TNKS: variants seen among roughly 807,000 people sequenced by gnomAD.
TNKS encodes poly [ADP-ribose] polymerase tankyrase-1.
TNKS carries 72 observed loss-of-function variants against 135.8 expected under a neutral mutation model. The observed-to-expected ratio is 0.53, with a 90% confidence interval of 0.44 to 0.64. TNKS has a LOEUF of 0.64. TNKS is among the 30% of genes least tolerant of loss of function. TNKS has a pLI of 0.00. For missense variants in TNKS, 1,769 were observed against 1,674.0 expected (o/e 1.06, Z -0.99); for synonymous variants, 849 against 649.3 (o/e 1.31, Z -4.68).
intron 3 of TNKS, among the ~76,000 whole-genome samples, chr8:9,660,285 A>C (rs1204467662): frequency 2.6e-5 from 4 of 152,230 alleles, no homozygotes; most frequent in African/African-American, 9.6e-5. Context: ...ACACAGCAGA[A>C]AAAGAGAATT....
chr8:9,622,728 C>G (rs1799911243), intron 3 of TNKS, among the ~76,000 whole-genome samples: 1 of 152,060 alleles, frequency 6.6e-6, no homozygotes, highest in Admixed American at 6.5e-5. Flanking sequence ...AAGATTATTC[C>G]TTTTGAAAGA....
intron 3 of TNKS, among the ~76,000 whole-genome samples, chr8:9,643,431 G>A (rs1466937690): frequency 6.7e-6 from 1 of 148,662 alleles, no homozygotes; most frequent in Non-Finnish European, 1.5e-5. Flanking sequence ...ATAACTAAAT[G>A]GCTTCTGCGA....
intron 1 of TNKS, among the ~76,000 whole-genome samples, chr8:9,563,592 C>G (rs1797417981): frequency 6.6e-6 from 1 of 151,986 alleles, no homozygotes; most frequent in Non-Finnish European, 1.5e-5. Flanking sequence ...GGCATTTTTT[C>G]CATTTTGTGT....
At chr8:9,655,890 G>A (rs958120399) in intron 3 of TNKS, among the ~76,000 whole-genome samples, 17 of 152,196 alleles carry the variant, frequency 1.1e-4, no homozygotes, top group African/African-American at 2.7e-4. Flanking sequence ...AAAGCTGGAC[G>A]GAGAATGGCC....
chr8:9,776,504 C>A (rs1808232780), intron 26 of TNKS, 146 bp from the exon 27 acceptor site: 4 of 643,810 alleles, frequency 6.2e-6, no homozygotes, highest in Non-Finnish European at 1.1e-5. Flanking sequence ...GTAGGTGAAC[C>A]TCAAATTGTT....
At chr8:9,709,836 A>G (rs1256560629) in intron 9 of TNKS, 119 bp from the exon 10 acceptor site, 3 of 723,094 alleles carry the variant, frequency 4.1e-6, no homozygotes, top group African/African-American at 3.6e-5. Flanking sequence ...AAACATATAC[A>G]TATGTTCTGA....
At chr8:9,612,803 G>A (rs758758809) in intron 2 of TNKS, among the ~76,000 whole-genome samples, 2 of 151,994 alleles carry the variant, frequency 1.3e-5, no homozygotes, top group East Asian at 3.9e-4. Context: ...AAAATTAATA[G>A]CCTACTATTG....
chr8:9,636,547 C>T (rs1483985330), intron 3 of TNKS, among the ~76,000 whole-genome samples: 2 of 151,854 alleles, frequency 1.3e-5, no homozygotes, highest in East Asian at 3.9e-4. Flanking sequence ...TTAAAAGTTC[C>T]CAGGCCTCAT....
Position 9,626,781 on chromosome 8 carries a change from C to T in TNKS, c.994+11104C>T, listed in dbSNP as rs553006502. On this transcript the variant is annotated intron_variant, in intron 3 of 26. Transcript: ENST00000310430. ...GAGTTTTTAATTATTGCTGCCTCTC[C>T]TGTCAGTGTACTTGCTTGGGAATGC... 9.8e-5 allele frequency among the ~76,000 whole-genome samples: 15 copies of T among 152,306 alleles called. No homozygotes were observed. In the East Asian group the frequency reaches 2.1e-3, roughly 22 times the overall value.
At chr8:9,607,547 C>A (rs1306366880) in intron 2 of TNKS, among the ~76,000 whole-genome samples, 1 of 152,184 alleles carries the variant, frequency 6.6e-6, no homozygotes, top group African/African-American at 2.4e-5. Flanking sequence ...TCACAATCCA[C>A]TGGTCGTCTT....
At chr8:9,608,790 T>C (rs969472046) in intron 2 of TNKS, among the ~76,000 whole-genome samples, 3 of 152,220 alleles carry the variant, frequency 2.0e-5, no homozygotes, top group African/African-American at 4.8e-5. Context: ...GTTTATGTGG[T>C]TGGCAAATTG....
intron 1 of TNKS, among the ~76,000 whole-genome samples, chr8:9,565,665 C>G (rs1305246189): frequency 6.6e-6 from 1 of 151,972 alleles, no homozygotes; most frequent in Admixed American, 6.6e-5. Context: ...TCCTGGCTAG[C>G]ACAGTGAAAC....
intron 5 of TNKS, among the ~76,000 whole-genome samples, chr8:9,682,170 TG>T: frequency 6.6e-6 from 1 of 152,276 alleles, no homozygotes; most frequent in South Asian, 2.1e-4. Context: ...TCTATCACTG[TG>T]TAGAAAAGGG....
At chr8:9,657,657 C>T (rs1441254680) in intron 3 of TNKS, among the ~76,000 whole-genome samples, 1 of 81,320 alleles carries the variant, frequency 1.2e-5, no homozygotes, top group African/African-American at 5.0e-5. Context: ...GGGGGCTGAC[C>T]CCCCCATCTC....
At chr8:9,557,505 C>G (rs1309429685) in intron 1 of TNKS, 1 of 151,754 alleles carries the variant, frequency 6.6e-6, no homozygotes, top group East Asian at 1.9e-4. Context: ...ACCATAATCT[C>G]ACTGCCTGGA....
At chr8:9,701,676 G>A (rs1259822217) in intron 5 of TNKS, among the ~76,000 whole-genome samples, 1 of 152,178 alleles carries the variant, frequency 6.6e-6, no homozygotes, top group Non-Finnish European at 1.5e-5. Context: ...CCCTGAGAGA[G>A]GGTAACAACT....
At chr8:9,678,633 A>G (rs952257887) in intron 3 of TNKS, among the ~76,000 whole-genome samples, 7 of 152,246 alleles carry the variant, frequency 4.6e-5, no homozygotes, top group Non-Finnish European at 8.8e-5. Flanking sequence ...AGACAAAATT[A>G]AAGCTAAAGA....
intron 22 of TNKS, among the ~76,000 whole-genome samples, chr8:9,763,591 A>G (rs186387835): frequency 6.6e-6 from 1 of 152,334 alleles, no homozygotes; most frequent in East Asian, 1.9e-4. Context: ...CCTCATAGAG[A>G]GCAAATATGT....
chr8:9,618,134 G>C (rs1057128839), intron 3 of TNKS, among the ~76,000 whole-genome samples: 1 of 151,936 alleles, frequency 6.6e-6, no homozygotes, highest in Non-Finnish European at 1.5e-5. Context: ...CTACAGGCAT[G>C]TGCCGCCACG....
Sources: allele counts gnomAD v4.1 joint callset (sites outside exome capture counted in the v4.1 genomes callset), GRCh38; gene constraint gnomAD v4.1.1; transcripts MANE v1.5; gene names NCBI Gene and HGNC (gene_info 2026-07-23, HGNC 2026-07-21).